Variants in CDH23 observed in about 807,000 individuals in gnomAD.
The protein encoded by CDH23 is cadherin related 23.
A neutral mutation model predicts 317.1 loss-of-function variants in CDH23; 189 were observed. That is an observed-to-expected ratio of 0.60 (90% CI 0.53 to 0.67). The LOEUF (loss-of-function observed/expected upper bound fraction) is 0.67. Ranked by LOEUF, CDH23 falls within the 30% of genes least tolerant of loss-of-function variation. The pLI is 0.00. For synonymous variants in CDH23, 1,839 were observed against 1,876.8 expected (o/e 0.98, Z 0.52); for missense variants, 4,401 against 4,592.4 (o/e 0.96, Z 1.20).
chr10:71,784,696 A>G (rs1314322261), intron 42 of CDH23, among the ~76,000 whole-genome samples, 195 bp from the exon 43 acceptor site: 1 of 150,606 alleles, frequency 6.6e-6, no homozygotes, highest in Non-Finnish European at 1.5e-5. Flanking sequence ...TGCTTCCCTC[A>G]TCATCCTCTT....
intron 62 of CDH23, among the ~76,000 whole-genome samples, chr10:71,811,097 A>T (rs930666582): frequency 1.3e-5 from 2 of 151,558 alleles, no homozygotes; most frequent in African/African-American, 4.9e-5. Context: ...AAAAAAAAAA[A>T]AAAAAAGGGA....
intron 14 of CDH23, among the ~76,000 whole-genome samples, chr10:71,647,333 C>G (rs1436539682): frequency 2.6e-5 from 4 of 152,136 alleles, no homozygotes; most frequent in African/African-American, 4.8e-5. Flanking sequence ...TGTGGTGGCA[C>G]ACGCCTGTAG....
intron 14 of CDH23, among the ~76,000 whole-genome samples, chr10:71,648,969 C>G (rs1017536951): frequency 2.6e-5 from 4 of 152,192 alleles, no homozygotes; most frequent in African/African-American, 9.7e-5. Flanking sequence ...GTGGGGACCC[C>G]GCGTGCTGGC....
At position 71,752,938 on chromosome 10, in the gene CDH23, C is replaced by G. The variant is rs373653584; in HGVS notation, c.4845+11017C>G. 7 of 1,609,384 alleles carry G rather than the reference C, an allele frequency of 4.3e-6. No homozygotes were observed. The African/African-American group carries it at 9.4e-5, about 22-fold the overall frequency. On this transcript the variant is annotated intron_variant, in intron 38 of 69. Coordinates refer to ENST00000224721, the MANE Select transcript of CDH23 (RefSeq NM_022124.6). ...AGTATCTCTTCCTGGATAGCCGGCC[C>G]AGGAAGTTTTCTCAAGAAGGTCTCC... is the stretch of plus-strand genomic sequence containing the variant.
intron 8 of CDH23, among the ~76,000 whole-genome samples, chr10:71,575,324 C>T (rs532465266): frequency 2.6e-5 from 4 of 152,304 alleles, no homozygotes; most frequent in East Asian, 1.9e-4. Context: ...ACGTTTATAG[C>T]ATTCACCATG....
chr10:71,810,429 C>CA, intron 61 of CDH23, 43 bp from the exon 62 acceptor site: 1 of 1,583,764 alleles, frequency 6.3e-7, no homozygotes, highest in Non-Finnish European at 8.7e-7. Flanking sequence ...CCTGTGGCCC[C>CA]CTGCTGTGGT....
At chr10:71,623,426 A>G (rs565185799) in intron 11 of CDH23, among the ~76,000 whole-genome samples, 1 of 152,356 alleles carries the variant, frequency 6.6e-6, no homozygotes, top group Non-Finnish European at 1.5e-5. Flanking sequence ...TGGAGGTGTC[A>G]GGAGGCCAGG....
intron 14 of CDH23, among the ~76,000 whole-genome samples, chr10:71,674,472 G>A (rs188908103): frequency 1.4e-3 from 218 of 152,340 alleles, no homozygotes; most frequent in Non-Finnish European, 2.5e-3. Flanking sequence ...ACGGGCATCT[G>A]GTGGCAGGCA....
At chr10:71,502,117 G>A (rs1049812805) in intron 3 of CDH23, among the ~76,000 whole-genome samples, 6 of 152,156 alleles carry the variant, frequency 3.9e-5, no homozygotes, top group East Asian at 1.9e-4. Context: ...TCACTTCAGC[G>A]ATAACTAGTC....
At chr10:71,432,189 C>T (rs1446612190) in intron 1 of CDH23, among the ~76,000 whole-genome samples, 2 of 151,798 alleles carry the variant, frequency 1.3e-5, no homozygotes, top group East Asian at 1.9e-4. Flanking sequence ...GGTGGCAGAA[C>T]GCAATTGTGT....
At chr10:71,650,173 C>T (rs534086298) in intron 14 of CDH23, among the ~76,000 whole-genome samples, 1 of 152,226 alleles carries the variant, frequency 6.6e-6, no homozygotes, top group Non-Finnish European at 1.5e-5. Flanking sequence ...TGTGGCACCA[C>T]CAGGTGAATT....
chr10:71,562,872 C>T (rs7068299), intron 6 of CDH23, among the ~76,000 whole-genome samples: 39,036 of 152,182 alleles, frequency 0.26, 5,429 homozygotes, highest in East Asian at 0.58. Flanking sequence ...TTGTGTGGCT[C>T]TCGGCCTGTC....
Position 71,784,373 on chromosome 10 carries a change from C to A in CDH23, c.5455C>A (p.Leu1819Met). Residue 1819 changes from leucine (L) to methionine (M), a missense_variant, in exon 42 of 70, where the codon CTG becomes ATG. Transcript: ENST00000224721. ...LDRETIAFYN[L>M]TICARDRGMP... ...CCGGGAGACCATCGCCTTCTACAAC[C>A]TGACCATCTGTGCCCGTGACCGGGG... The A allele has an allele frequency of 6.2e-6, 10 of 1,613,950 alleles. No homozygotes were observed. Among genetic ancestry groups the A allele is most frequent in the Non-Finnish European group, 8.5e-6 (10 of 1,179,836 alleles).
intron 3 of CDH23, among the ~76,000 whole-genome samples, chr10:71,479,744 G>C (rs943064061): frequency 2.0e-5 from 3 of 152,074 alleles, no homozygotes; most frequent in Non-Finnish European, 4.4e-5. Flanking sequence ...AACCAAGCTG[G>C]GGTGATGCTG....
chr10:71,650,575 G>T (rs1285022959), intron 14 of CDH23, among the ~76,000 whole-genome samples: 1 of 152,204 alleles, frequency 6.6e-6, no homozygotes, highest in African/African-American at 2.4e-5. Flanking sequence ...GTGTGCCTGT[G>T]CACGTACATG....
At chr10:71,783,115 A>G (rs1337588741) in intron 41 of CDH23, among the ~76,000 whole-genome samples, 2 of 152,186 alleles carry the variant, frequency 1.3e-5, no homozygotes, top group Non-Finnish European at 2.9e-5. Flanking sequence ...TTCAAAGGGA[A>G]AGTGAAGGAG....
Position 71,511,146 on chromosome 10 carries a change from G to C in CDH23, c.363G>C (p.Gln121His), listed in dbSNP as rs772794279. 1 of 1,613,624 alleles carries C rather than the reference G, an allele frequency of 6.2e-7. No individual in the cohort carries two copies. The highest frequency in any genetic ancestry group is 2.2e-5 in the East Asian group (1 of 44,860). ...QGVITRKVNIQVGDVNDNAPT... is the reference protein window; with the variant it reads ...QGVITRKVNIHVGDVNDNAPT... ...TGATCACACGGAAGGTGAACATCCA[G>C]GTTGGGGATGTGAATGACAACGCGC... is the stretch of plus-strand genomic sequence containing the variant. The change falls in exon 6 of 70, where the codon CAG (glutamine) becomes CAC (histidine). Residue 121 changes from glutamine (Q) to histidine (H), a missense_variant. By Grantham distance (24) the Gln-to-His change is conservative. Coordinates refer to ENST00000224721, the MANE Select transcript of CDH23 (RefSeq NM_022124.6).
chr10:71,758,104 C>G (rs1027836409), intron 38 of CDH23, among the ~76,000 whole-genome samples: 1 of 152,066 alleles, frequency 6.6e-6, no homozygotes, highest in Non-Finnish European at 1.5e-5. Context: ...GGAGCCAAGG[C>G]GGGTAGATCA....
chr10:71,807,811 G>A, intron 59 of CDH23, 35 bp from the exon 60 acceptor site: 1 of 1,583,370 alleles, frequency 6.3e-7, no homozygotes, highest in Non-Finnish European at 8.6e-7. Context: ...GGTGGCCCCT[G>A]CCCTGCCACT....
Sources: gnomAD v4.1 joint callset for allele counts (sites outside exome capture counted in the v4.1 genomes callset) on GRCh38, gnomAD v4.1.1 for gene constraint, MANE v1.5 for transcripts, NCBI Gene and HGNC (gene_info 2026-07-23, HGNC 2026-07-21) for gene names.